The following DIAPH2 variants were observed in gnomAD, a reference collection of about 807,000 sequenced individuals.
The protein encoded by DIAPH2 is protein diaphanous homolog 2.
In DIAPH2, 35 loss-of-function variants were observed where a neutral mutation model predicts 92.7. The ratio of observed to expected loss-of-function variants is 0.38; its 90% confidence interval spans 0.29 to 0.50. DIAPH2 has a LOEUF of 0.50. Ranked by LOEUF, DIAPH2 falls within the 20% of genes least tolerant of loss-of-function variation. The pLI, the probability that DIAPH2 is intolerant of heterozygous loss-of-function variation, is 0.94. For missense variants in DIAPH2, 701 were observed against 819.5 expected (o/e 0.86, Z 1.77); for synonymous variants, 301 against 280.4 (o/e 1.07, Z -0.73).
chrX:96,955,196 G>A (rs1321316421), intron 15 of DIAPH2, among the ~76,000 whole-genome samples: 4 of 111,364 alleles, frequency 3.6e-5, no homozygotes, highest in Admixed American at 9.5e-5. Flanking sequence ...ATGGTGGAAG[G>A]GGAAGCAAAC....
intron 26 of DIAPH2, among the ~76,000 whole-genome samples, chrX:97,471,310 C>T (rs2070560226): frequency 9.0e-6 from 1 of 111,603 alleles, no homozygotes; most frequent in Non-Finnish European, 1.9e-5. Context: ...TCTGTTCTCC[C>T]TTTTATGCTC....
At chrX:97,319,103 C>G (rs751945475) in intron 23 of DIAPH2, among the ~76,000 whole-genome samples, 1 of 111,609 alleles carries the variant, frequency 9.0e-6, no homozygotes, top group South Asian at 3.8e-4. Flanking sequence ...ATTTTCCATT[C>G]ATAATTTTGA....
In DIAPH2 at chrX:96,793,708, C is replaced by G. The variant is rs1022369082; in HGVS notation, c.447+35450C>G. On this transcript the variant is annotated intron_variant, in intron 4 of 26. Transcript: ENST00000324765. Reference sequence around the variant, plus strand: ...GGGGTTTCCACCCTCATGATGTCATCTAAACCTAATTACTTCCCAAAGATC... The same window carrying G: ...GGGGTTTCCACCCTCATGATGTCATGTAAACCTAATTACTTCCCAAAGATC... 20 of 338,339 alleles carry G rather than the reference C, an allele frequency of 5.9e-5. No homozygotes were observed. In the Admixed American group the frequency reaches 6.0e-4, roughly 10 times the overall value. The allele number at this position is 338,339 out of a possible 1,213,427, so 27.9% of individuals were successfully genotyped here. A position where few individuals can be genotyped will look rare whatever the true frequency, so the allele number is the denominator to read the frequency against.
chrX:96,686,060 C>A (rs1313906795), intron 1 of DIAPH2, among the ~76,000 whole-genome samples: 1 of 111,877 alleles, frequency 8.9e-6, no homozygotes, highest in Non-Finnish European at 1.9e-5. Context: ...TGTAAACTTT[C>A]TAATTTGGGT....
At chrX:97,511,281 G>C (rs2070889797) in intron 26 of DIAPH2, among the ~76,000 whole-genome samples, 1 of 92,283 alleles carries the variant, frequency 1.1e-5, no homozygotes, top group Non-Finnish European at 2.2e-5. Flanking sequence ...AATTGTGAAT[G>C]GGAGTTCACT....
At chrX:97,563,516 G>A (rs1003718774) in intron 26 of DIAPH2, among the ~76,000 whole-genome samples, 4 of 111,397 alleles carry the variant, frequency 3.6e-5, no homozygotes, top group African/African-American at 6.5e-5. Context: ...AGCTCCATAC[G>A]TTATCAGTTT....
chrX:97,241,775 T>A (rs1326663108), intron 22 of DIAPH2, among the ~76,000 whole-genome samples: 1 of 87,752 alleles, frequency 1.1e-5, no homozygotes, highest in African/African-American at 4.1e-5. Flanking sequence ...AGGCTGATTT[T>A]TTTTTTTTTT....
chrX:96,968,469 T>G (rs1285816529), intron 17 of DIAPH2, among the ~76,000 whole-genome samples: 1 of 111,562 alleles, frequency 9.0e-6, no homozygotes, highest in African/African-American at 3.3e-5. Flanking sequence ...TCCACCTGCC[T>G]CAGCCTTCCA....
chrX:96,884,882 G>A, intron 5 of DIAPH2: 1 of 1,210,916 alleles, frequency 8.3e-7, no homozygotes. Context: ...AATGATGCTG[G>A]GGATAACGAT....
At chrX:97,235,601 CAA>C (rs10563336) in intron 22 of DIAPH2, among the ~76,000 whole-genome samples, 2,327 of 53,286 alleles carry the variant, frequency 0.044, 109 homozygotes, top group African/African-American at 0.15. Flanking sequence ...GAGACTACGT[CAA>C]AAAAAAAAAA....
intron 22 of DIAPH2, among the ~76,000 whole-genome samples, chrX:97,156,319 A>G (rs899569626): frequency 1.8e-5 from 2 of 111,996 alleles, no homozygotes; most frequent in Admixed American, 9.5e-5. Context: ...CTGATATTTA[A>G]ATTTTTCTCT....
intron 19 of DIAPH2, among the ~76,000 whole-genome samples, chrX:97,098,239 G>A (rs924879588): frequency 2.2e-4 from 24 of 111,555 alleles, no homozygotes; most frequent in Admixed American, 9.5e-5. Context: ...CCCTTTTTAC[G>A]TGTATAATAA....
At chrX:97,000,620 TACACAC>T (rs56284459) in intron 17 of DIAPH2, among the ~76,000 whole-genome samples, 50 of 99,889 alleles carry the variant, frequency 5.0e-4, no homozygotes, top group East Asian at 2.2e-3. Context: ...TACAAATGAA[TACACAC>T]ACACACACAC....
At chrX:97,095,586 G>A (rs1483145814) in intron 19 of DIAPH2, among the ~76,000 whole-genome samples, 1 of 109,450 alleles carries the variant, frequency 9.1e-6, no homozygotes, top group Non-Finnish European at 1.9e-5. Context: ...TGAACCTAAC[G>A]CAGTTCTTCT....
chrX:97,099,806 A>C lies in DIAPH2; in HGVS notation c.2349+11A>C. On this transcript the variant is annotated intron_variant, in intron 20 of 26. Coordinates refer to ENST00000324765, the MANE Select transcript of DIAPH2 (RefSeq NM_006729.5). Reference sequence around the variant, plus strand: ...CAATTTGGAGTTGTGGTATGTATCCAACATGAGGGACCACAAACTCAGCTG... The same window carrying C: ...CAATTTGGAGTTGTGGTATGTATCCCACATGAGGGACCACAAACTCAGCTG... 1 of 1,042,363 alleles carries C rather than the reference A, an allele frequency of 9.6e-7. No individual in the cohort carries two copies. Among genetic ancestry groups the C allele is most frequent in the Non-Finnish European group, 1.3e-6 (1 of 778,961 alleles). 85.9% of individuals were successfully genotyped at this position (1,042,363 alleles called of 1,213,427 possible). A position where few individuals can be genotyped will look rare whatever the true frequency, so the allele number is the denominator to read the frequency against.
intron 23 of DIAPH2, among the ~76,000 whole-genome samples, chrX:97,324,139 A>G (rs2068930640): frequency 9.0e-6 from 1 of 111,586 alleles, no homozygotes; most frequent in East Asian, 2.8e-4. Flanking sequence ...GATATTTTCT[A>G]TGATATTCCC....
At chrX:96,814,695 C>G (rs1008623629) in intron 4 of DIAPH2, among the ~76,000 whole-genome samples, 1 of 111,710 alleles carries the variant, frequency 9.0e-6, no homozygotes, top group Non-Finnish European at 1.9e-5. Flanking sequence ...AATGGGTGAC[C>G]TCCAGATGGG....
intron 15 of DIAPH2, among the ~76,000 whole-genome samples, chrX:96,957,103 C>T (rs1184750312): frequency 8.9e-6 from 1 of 112,563 alleles, no homozygotes; most frequent in Admixed American, 9.3e-5. Flanking sequence ...TCACTGCAAC[C>T]TCTGCCTCCT....
intron 1 of DIAPH2, among the ~76,000 whole-genome samples, chrX:96,691,134 A>G (rs891984983): frequency 4.5e-5 from 5 of 111,928 alleles, no homozygotes; most frequent in African/African-American, 9.7e-5. Context: ...CATACATAAT[A>G]TATGCTAATT....
Sources: allele counts gnomAD v4.1 joint callset (sites outside exome capture counted in the v4.1 genomes callset), GRCh38; gene constraint gnomAD v4.1.1; transcripts MANE v1.5; gene names NCBI Gene and HGNC (gene_info 2026-07-23, HGNC 2026-07-21).